The following SORCS3 variants were observed in gnomAD, a reference collection of about 807,000 sequenced individuals.
SORCS3 encodes the protein VPS10 domain-containing receptor SorCS3.
In SORCS3, 57 loss-of-function variants were observed where a neutral mutation model predicts 146.3. The observed-to-expected ratio is 0.39, with a 90% CI of 0.31 to 0.49. The LOEUF is 0.49. Among genes scored for constraint, SORCS3 ranks in the 20% least tolerant of loss-of-function variants. SORCS3 has a pLI of 0.92. For synonymous variants in SORCS3, 653 were observed against 618.5 expected (o/e 1.06, Z -0.83); for missense variants, 1,341 against 1,575.5 (o/e 0.85, Z 2.52).
Position 105,173,185 on chromosome 10 carries a change from G to A in SORCS3, c.1902-4881G>A, listed in dbSNP as rs560446596. Among the ~76,000 whole-genome samples, 14 of 152,064 alleles carry A rather than the reference G, an allele frequency of 9.2e-5. No homozygotes were observed. In the East Asian group the frequency reaches 1.2e-3, roughly 13 times the overall value. ...AAATTAGCTGGGTGTGGTGGTAAGC[G>A]CCTGTAGTCCCAGCTTCTCAGGAGG... On this transcript the variant is annotated intron_variant, in intron 13 of 26. Transcript: ENST00000369701.
chr10:104,769,309 G>C (rs572414183), intron 1 of SORCS3, among the ~76,000 whole-genome samples: 243 of 152,344 alleles, frequency 1.6e-3, no homozygotes, highest in Middle Eastern at 3.4e-3. Flanking sequence ...CCACTTCACA[G>C]GGCTGGCTCT....
chr10:105,103,576 G>C (rs1394513466), intron 6 of SORCS3, among the ~76,000 whole-genome samples: 2 of 152,288 alleles, frequency 1.3e-5, no homozygotes, highest in African/African-American at 2.4e-5. Flanking sequence ...ACAGGTAATG[G>C]AGGGAAGAGA....
intron 3 of SORCS3, among the ~76,000 whole-genome samples, chr10:104,947,532 A>G (rs2019384497): frequency 6.6e-6 from 1 of 152,100 alleles, no homozygotes; most frequent in African/African-American, 2.4e-5. Flanking sequence ...TGCTGCAGTG[A>G]TACATCATCC....
At chr10:105,054,919 C>A (rs1202215724) in intron 5 of SORCS3, among the ~76,000 whole-genome samples, 1 of 152,124 alleles carries the variant, frequency 6.6e-6, no homozygotes, top group Non-Finnish European at 1.5e-5. Context: ...TTGATTCATC[C>A]AAATGAATTT....
chr10:105,038,145 G>A (rs1000856031), intron 4 of SORCS3, among the ~76,000 whole-genome samples: 1 of 152,200 alleles, frequency 6.6e-6, no homozygotes, highest in Non-Finnish European at 1.5e-5. Context: ...TTGGTCTCTG[G>A]TAATGTCCAG....
At chr10:104,813,929 C>CTTT (rs35625517) in intron 1 of SORCS3, among the ~76,000 whole-genome samples, 3 of 116,152 alleles carry the variant, frequency 2.6e-5, no homozygotes, top group African/African-American at 6.0e-5. Flanking sequence ...TCTTTTCTTT[C>CTTT]TTTTTTTTTT....
chr10:105,164,670 G>C (rs1171742822), intron 12 of SORCS3, among the ~76,000 whole-genome samples: 1 of 152,130 alleles, frequency 6.6e-6, no homozygotes, highest in Non-Finnish European at 1.5e-5. Context: ...TGGTTGCTGG[G>C]GATACAACTG....
chr10:104,689,653 C>A (rs1192020809), intron 1 of SORCS3, among the ~76,000 whole-genome samples: 1 of 152,162 alleles, frequency 6.6e-6, no homozygotes, highest in Non-Finnish European at 1.5e-5. Context: ...TGGTTTATTA[C>A]AACTTGACCT....
intron 2 of SORCS3, among the ~76,000 whole-genome samples, chr10:104,910,310 T>C (rs1045225260): frequency 1.3e-5 from 2 of 152,164 alleles, no homozygotes; most frequent in Admixed American, 6.5e-5. Context: ...AAGTAGAAGT[T>C]ATGCCCTGAG....
intron 14 of SORCS3, among the ~76,000 whole-genome samples, chr10:105,181,258 C>A (rs1355091771): frequency 2.0e-5 from 3 of 152,156 alleles, no homozygotes; most frequent in Non-Finnish European, 4.4e-5. Flanking sequence ...ATGGCTCTAG[C>A]ATGTTAGGAA....
intron 1 of SORCS3, among the ~76,000 whole-genome samples, chr10:104,699,487 C>A (rs990985191): frequency 4.6e-5 from 7 of 152,106 alleles, no homozygotes; most frequent in African/African-American, 1.4e-4. Flanking sequence ...TGGGACCCAA[C>A]TGGCTCTTGA....
Position 105,265,141 on chromosome 10 carries a change from C to A in SORCS3, c.*1767C>A, listed in dbSNP as rs1322736522. ...TATATATACAGTATATGTACATATA[C>A]TGTTCTTGGTTTTATTGTTCCACTT... On this transcript the variant is annotated 3_prime_UTR_variant, in exon 27 of 27. Transcript: ENST00000369701. 6.6e-6 allele frequency: 1 copy of A among 152,430 alleles called. No homozygotes were observed. Among genetic ancestry groups the A allele is most frequent in the South Asian group, 2.1e-4 (1 of 4,814 alleles). 9.4% of individuals were successfully genotyped at this position (152,430 alleles called of 1,614,324 possible). A position where few individuals can be genotyped will look rare whatever the true frequency, so the allele number is the denominator to read the frequency against.
intron 2 of SORCS3, among the ~76,000 whole-genome samples, chr10:104,886,473 A>G (rs1173834749): frequency 6.6e-6 from 1 of 152,046 alleles, no homozygotes; most frequent in East Asian, 1.9e-4. Context: ...ATATGTCCAG[A>G]TACCACATAT....
chr10:104,788,064 G>C (rs1844888739), intron 1 of SORCS3, among the ~76,000 whole-genome samples: 1 of 152,162 alleles, frequency 6.6e-6, no homozygotes, highest in Non-Finnish European at 1.5e-5. Context: ...TTCCAGATTG[G>C]CCTAGAGAGG....
intron 1 of SORCS3, among the ~76,000 whole-genome samples, chr10:104,642,935 C>CAG (rs1454698317): frequency 6.6e-6 from 1 of 152,196 alleles, no homozygotes; most frequent in Non-Finnish European, 1.5e-5. Context: ...GCTGCAGCGG[C>CAG]CCGCAGCGCG....
intron 1 of SORCS3, among the ~76,000 whole-genome samples, chr10:104,730,001 G>A (rs550561941): frequency 5.2e-4 from 79 of 152,302 alleles, no homozygotes; most frequent in African/African-American, 1.9e-3. Flanking sequence ...TGTAATTTAT[G>A]AGCATTGCTT....
At chr10:105,116,149 T>C (rs1019432591) in intron 7 of SORCS3, among the ~76,000 whole-genome samples, 3 of 152,206 alleles carry the variant, frequency 2.0e-5, no homozygotes, top group Non-Finnish European at 2.9e-5. Context: ...AAATTAGTGA[T>C]CTGATTGCAA....
chr10:104,734,726 C>T (rs1277512199), intron 1 of SORCS3, among the ~76,000 whole-genome samples: 5 of 152,270 alleles, frequency 3.3e-5, no homozygotes, highest in South Asian at 4.1e-4. Context: ...TCTCTTTTAA[C>T]GGGAGAGACC....
intron 22 of SORCS3, among the ~76,000 whole-genome samples, chr10:105,251,163 T>C (rs1261828276): frequency 1.3e-5 from 2 of 152,218 alleles, no homozygotes; most frequent in Non-Finnish European, 2.9e-5. Context: ...CAGTTCTGCA[T>C]GGCTGGGGAG....
Sources: gnomAD v4.1 joint callset for allele counts (sites outside exome capture counted in the v4.1 genomes callset) on GRCh38, gnomAD v4.1.1 for gene constraint, MANE v1.5 for transcripts, NCBI Gene and HGNC (gene_info 2026-07-23, HGNC 2026-07-21) for gene names.